The following SEPTIN7 variants were observed in gnomAD, a reference collection of about 807,000 sequenced individuals.
SEPTIN7 encodes septin-7.
Under a neutral mutation model 63.3 loss-of-function variants are expected in SEPTIN7, and 10 were observed. The observed-to-expected ratio is 0.16, with a 90% confidence interval of 0.10 to 0.27. The LOEUF (loss-of-function observed/expected upper bound fraction) is 0.27. Ranked by LOEUF, SEPTIN7 falls within the 10% of genes least tolerant of loss-of-function variation. The pLI, the probability that SEPTIN7 is intolerant of heterozygous loss-of-function variation, is 1.00. For synonymous variants in SEPTIN7, 131 were observed against 165.3 expected, an observed-to-expected ratio of 0.79 and a Z score of 1.59; for missense variants, 310 against 521.0, an observed-to-expected ratio of 0.59 and a Z score of 3.94.
At chr7:35,876,499 AATG>A (rs2116241495) in intron 6 of SEPTIN7, among the ~76,000 whole-genome samples, 1 of 152,328 alleles carries the variant, frequency 6.6e-6, no homozygotes, top group South Asian at 2.1e-4. Context: ...TGTTTTATAT[AATG>A]ATTAATGAAA....
At chr7:35,902,471 G>A (rs1458481105) in intron 12 of SEPTIN7, 1 of 152,106 alleles carries the variant, frequency 6.6e-6, no homozygotes, top group Non-Finnish European at 1.5e-5. Context: ...GTGAGGTCCA[G>A]GATTCTATAT....
chr7:35,912,316 A>T, the SEPTIN7 span, among the ~76,000 whole-genome samples: 1 of 152,246 alleles, frequency 6.6e-6, no homozygotes, highest in Non-Finnish European at 1.5e-5. Flanking sequence ...AACCACAAAC[A>T]ATAGCATGAG....
chr7:35,910,140 C>T (rs974954504), downstream of SEPTIN7, among the ~76,000 whole-genome samples: 1 of 152,202 alleles, frequency 6.6e-6, no homozygotes, highest in Non-Finnish European at 1.5e-5. Context: ...CAAGAGAGAG[C>T]AAGGCATAAG....
chr7:35,900,799 A>G lies in SEPTIN7; in HGVS notation c.1135-2277A>G, dbSNP rs554260492. 2.6e-5 allele frequency: 4 copies of G among 152,324 alleles called. No individual in the cohort carries two copies. In the East Asian group the frequency reaches 7.7e-4, roughly 29 times the overall value. The allele number at this position is 152,324 out of a possible 1,614,324, so 9.4% of individuals were successfully genotyped here. On this transcript the variant is annotated intron_variant, in intron 12 of 13. Transcript: ENST00000350320. ...CTGTGAATGGTGAAGACAGTTTTGA[A>G]GAACTATTCTTTGAAGGATGGAATG...
the SEPTIN7 span, among the ~76,000 whole-genome samples, chr7:35,915,157 GTACA>G: frequency 6.6e-6 from 1 of 151,862 alleles, no homozygotes; most frequent in East Asian, 1.9e-4. Flanking sequence ...GTATACATGT[GTACA>G]TATATATACA....
At chr7:35,881,325 A>T in intron 7 of SEPTIN7, among the ~76,000 whole-genome samples, 1 of 151,810 alleles carries the variant, frequency 6.6e-6, no homozygotes, top group Non-Finnish European at 1.5e-5. Flanking sequence ...ATTTTTACTG[A>T]TAAAGGTAAA....
In SEPTIN7 at chr7:35,832,892, TG is replaced by T; in HGVS notation, c.163del (p.Val55Ter). The T allele has an allele frequency of 6.4e-7, 1 of 1,569,144 alleles. No homozygotes were observed. Among genetic ancestry groups the T allele is most frequent in the Non-Finnish European group, 8.8e-7 (1 of 1,139,260 alleles). ...AAGAGAGGTTTTGAATTCACGCTTATGGTAGTGGGTAAGATATGATTTCTTA... is the reference window on the plus strand; with the variant it reads ...AAGAGAGGTTTTGAATTCACGCTTATGTAGTGGGTAAGATATGATTTCTTA... ...SVKRGFEFTL[M>X]VVGESGLGKS... On this transcript the variant is annotated frameshift_variant, in exon 3 of 14. Transcript: ENST00000350320. LOFTEE classifies it high-confidence loss of function.
At chr7:35,882,814 AT>A (rs1008289278) in intron 8 of SEPTIN7, among the ~76,000 whole-genome samples, 1 of 152,102 alleles carries the variant, frequency 6.6e-6, no homozygotes, top group African/African-American at 2.4e-5. Context: ...AGTGTTTTTA[AT>A]TAACTGGCTT....
intron 4 of SEPTIN7, among the ~76,000 whole-genome samples, chr7:35,871,749 A>G (rs1786162376): frequency 6.6e-6 from 1 of 152,214 alleles, no homozygotes; most frequent in Non-Finnish European, 1.5e-5. Context: ...TCTAGCCTTA[A>G]TAAGGACTTG....
chr7:35,884,005 G>T lies in SEPTIN7; in HGVS notation c.820+18G>T. 1 of 1,474,322 alleles carries T rather than the reference G, an allele frequency of 6.8e-7. No homozygotes were observed. The highest frequency in any genetic ancestry group is 9.5e-7 in the Non-Finnish European group (1 of 1,053,312). The allele number at this position is 1,474,322 out of a possible 1,614,324, so 91.3% of individuals were successfully genotyped here. A position where few individuals can be genotyped will look rare whatever the true frequency, so the allele number is the denominator to read the frequency against. ...TGCTGAAGGTAAGATTTTCTTCAGT[G>T]AATGACTTTCTAAAATATCTCAAAA... On this transcript the variant is annotated intron_variant, in intron 9 of 13. Transcript: ENST00000350320.
At chr7:35,874,017 T>C in intron 6 of SEPTIN7, 1 of 388,536 alleles carries the variant, frequency 2.6e-6, no homozygotes, top group Non-Finnish European at 4.6e-6. Flanking sequence ...AAATAAACAG[T>C]GTTGCCACCA....
chr7:35,850,326 T>C (rs1184791523), intron 3 of SEPTIN7, among the ~76,000 whole-genome samples: 1 of 152,168 alleles, frequency 6.6e-6, no homozygotes, highest in African/African-American at 2.4e-5. Context: ...TGTAGGTGAT[T>C]GAACTAGGAT....
At chr7:35,823,475 A>G (rs1783337005) in intron 1 of SEPTIN7, among the ~76,000 whole-genome samples, 1 of 152,218 alleles carries the variant, frequency 6.6e-6, no homozygotes, top group Admixed American at 6.5e-5. Context: ...TACTGGGATT[A>G]CAGGCATGAG....
rs951214606 is a variant in SEPTIN7 at position 35,801,298 on chromosome 7, T to C, written c.61+28T>C. Reference sequence around the variant, plus strand: ...GAGTCTCAGCTTCGGGTGCCGCGACTTGGGGTCAGCGGCTCCGAATGCCGG... The same window carrying C: ...GAGTCTCAGCTTCGGGTGCCGCGACCTGGGGTCAGCGGCTCCGAATGCCGG... On this transcript the variant is annotated intron_variant, in intron 1 of 13. Transcript: ENST00000350320. 4.0e-6 allele frequency: 6 copies of C among 1,516,990 alleles called. 1 individual carries two copies. The allele number at this position is 1,516,990 out of a possible 1,614,324, so 94.0% of individuals were successfully genotyped here. A position where few individuals can be genotyped will look rare whatever the true frequency, so the allele number is the denominator to read the frequency against.
the SEPTIN7 span, among the ~76,000 whole-genome samples, chr7:35,913,733 A>C: frequency 6.6e-6 from 1 of 151,920 alleles, no homozygotes; most frequent in East Asian, 1.9e-4. Context: ...GGGACTACAG[A>C]TGCATGCCAC....
chr7:35,856,584 C>T (rs1249161420), intron 3 of SEPTIN7, among the ~76,000 whole-genome samples: 1 of 152,168 alleles, frequency 6.6e-6, no homozygotes, highest in African/African-American at 2.4e-5. Context: ...GACTTCCAAG[C>T]TCCTTATGTA....
At chr7:35,900,631 A>C (rs562848588) in intron 12 of SEPTIN7, 3 of 152,220 alleles carry the variant, frequency 2.0e-5, no homozygotes, top group Non-Finnish European at 4.4e-5. Flanking sequence ...TTATCTCCAC[A>C]CTTAGATTCC....
At chr7:35,814,887 A>G (rs936732167) in intron 1 of SEPTIN7, among the ~76,000 whole-genome samples, 1 of 147,914 alleles carries the variant, frequency 6.8e-6, no homozygotes, top group African/African-American at 2.5e-5. Context: ...AGGCAGGGGA[A>G]TGGCCTAAAC....
intron 11 of SEPTIN7, among the ~76,000 whole-genome samples, chr7:35,895,973 G>C (rs771363467): frequency 1.3e-5 from 2 of 152,128 alleles, no homozygotes; most frequent in Non-Finnish European, 2.9e-5. Flanking sequence ...ACCACGCCCG[G>C]CTAATTTTTG....
Sources: gnomAD v4.1 joint callset for allele counts (sites outside exome capture counted in the v4.1 genomes callset) on GRCh38, gnomAD v4.1.1 for gene constraint, MANE v1.5 for transcripts, NCBI Gene and HGNC (gene_info 2026-07-23, HGNC 2026-07-21) for gene names.